AMBRA1: variants seen among roughly 807,000 people sequenced by gnomAD.
AMBRA1 encodes autophagy and beclin 1 regulator 1.
A neutral mutation model predicts 125.4 loss-of-function variants in AMBRA1; 47 were observed. That is an observed-to-expected ratio of 0.37 (90% confidence interval 0.30 to 0.48). The LOEUF is 0.48. AMBRA1 is among the 20% of genes least tolerant of loss of function. AMBRA1 has a pLI of 0.99. For synonymous variants in AMBRA1, 626 were observed against 655.5 expected (o/e 0.95, Z 0.69); for missense variants, 1,331 against 1,693.4 (o/e 0.79, Z 3.76).
chr11:46,558,665 G>T (rs1450627721), intron 1 of AMBRA1, among the ~76,000 whole-genome samples: 2 of 147,636 alleles, frequency 1.4e-5, no homozygotes, highest in Non-Finnish European at 3.0e-5. Flanking sequence ...ACTCTAACAA[G>T]AAGTTTTTCT....
chr11:46,421,433 T>A (rs6485680), intron 14 of AMBRA1, among the ~76,000 whole-genome samples: 10,819 of 152,238 alleles, frequency 0.071, 1,276 homozygotes, highest in African/African-American at 0.25. Flanking sequence ...TGGATCCTGA[T>A]AAGCACTTGC....
At chr11:46,521,267 AG>A (rs1951749483) in intron 7 of AMBRA1, among the ~76,000 whole-genome samples, 1 of 152,268 alleles carries the variant, frequency 6.6e-6, no homozygotes, top group Non-Finnish European at 1.5e-5. Context: ...CTCAGGTTAA[AG>A]TGCTGACATA....
At chr11:46,463,840 G>C (rs1220149542) in intron 11 of AMBRA1, among the ~76,000 whole-genome samples, 2 of 152,192 alleles carry the variant, frequency 1.3e-5, no homozygotes, top group Non-Finnish European at 2.9e-5. Context: ...CTGCAAGTTG[G>C]TAAAACGTAA....
rs1253211162 is a variant in AMBRA1 at position 46,433,474 on chromosome 11, C to T, written c.2976G>A (p.Arg992=). ...TGAAGGCACAAGCAATGGCACTCAC[C>T]CTCATGGAGGTCTCTCCACCATGGG... ...QQAHGGETSM[R]RVFNVLYPMP... is the part of the protein sequence containing the mutation. The change falls in exon 14 of 18, where the codon AGG becomes AGA. Residue 992 remains arginine, a splice_region_variant and synonymous_variant. Coordinates refer to ENST00000683756, the MANE Select transcript of AMBRA1 (RefSeq NM_001387011.1). 1 of 1,613,884 alleles carries T rather than the reference C, an allele frequency of 6.2e-7. No individual in the cohort carries two copies. The highest frequency in any genetic ancestry group is 2.2e-5 in the East Asian group (1 of 44,884).
intron 9 of AMBRA1, among the ~76,000 whole-genome samples, chr11:46,502,806 A>G (rs1189511018): frequency 1.3e-5 from 2 of 152,170 alleles, no homozygotes; most frequent in Admixed American, 1.3e-4. Flanking sequence ...CACGCCTGTA[A>G]TCCCAGCACT....
At chr11:46,435,378 G>C (rs1947671350) in intron 12 of AMBRA1, among the ~76,000 whole-genome samples, 1 of 152,110 alleles carries the variant, frequency 6.6e-6, no homozygotes, top group African/African-American at 2.4e-5. Flanking sequence ...AGCTGTTATT[G>C]TCCCAGAGAT....
chr11:46,432,380 G>C (rs1947497543), intron 14 of AMBRA1, among the ~76,000 whole-genome samples: 1 of 152,152 alleles, frequency 6.6e-6, no homozygotes, highest in African/African-American at 2.4e-5. Context: ...AAGGCACTTT[G>C]ACAAATTCAA....
intron 11 of AMBRA1, among the ~76,000 whole-genome samples, chr11:46,478,824 T>C (rs1189362827): frequency 2.0e-5 from 3 of 152,002 alleles, no homozygotes; most frequent in African/African-American, 7.2e-5. Context: ...CCGAAGATAT[T>C]TCTTGAAAGT....
rs549850309 is a variant in AMBRA1, at chr11:46,525,873, T to C, written c.2073-13060A>G. 3.3e-5 allele frequency among the ~76,000 whole-genome samples: 5 copies of C among 151,240 alleles called. No homozygotes were observed. In the East Asian group the frequency reaches 9.8e-4, roughly 30 times the overall value. On this transcript the variant is annotated intron_variant, in intron 7 of 17. Coordinates refer to ENST00000683756, the MANE Select transcript of AMBRA1 (RefSeq NM_001387011.1). Reference sequence around the variant, plus strand: ...GTTGCAGTGAGCAGAGATCACGCCATTGCACTCCAGCCTGGGTGACAGAGC... The same window carrying C: ...GTTGCAGTGAGCAGAGATCACGCCACTGCACTCCAGCCTGGGTGACAGAGC...
chr11:46,474,295 T>C (rs1949723214), intron 11 of AMBRA1, among the ~76,000 whole-genome samples: 1 of 152,170 alleles, frequency 6.6e-6, no homozygotes, highest in Admixed American at 6.5e-5. Context: ...TTCAAATGAA[T>C]AAGGGAATAA....
chr11:46,434,865 GAGC>G lies in AMBRA1; in HGVS notation c.2802_2804del (p.Met934_Leu935delinsIle). ...ATCCCTTACCAAATCGCTTGGTGTA[GAGC>G]ATTTCGCCCAGGTTATGGGGGGCCA... On this transcript the variant is annotated inframe_deletion, in exon 13 of 18. Coordinates refer to ENST00000683756, the MANE Select transcript of AMBRA1 (RefSeq NM_001387011.1). 1 of 1,610,398 alleles carries G rather than the reference GAGC, an allele frequency of 6.2e-7. No homozygotes were observed. Among genetic ancestry groups the G allele is most frequent in the Non-Finnish European group, 8.5e-7 (1 of 1,178,516 alleles).
intron 12 of AMBRA1, among the ~76,000 whole-genome samples, chr11:46,441,969 A>AT (rs1948032861): frequency 7.1e-6 from 1 of 141,588 alleles, no homozygotes; most frequent in African/African-American, 2.8e-5. Context: ...AAAAAAAAAA[A>AT]CTTTTTTTTT....
chr11:46,551,419 C>T (rs1413786826), intron 1 of AMBRA1, among the ~76,000 whole-genome samples: 1 of 152,052 alleles, frequency 6.6e-6, no homozygotes, highest in Admixed American at 6.6e-5. Context: ...CTCAAGCAAT[C>T]CTCCTGCCTC....
chr11:46,519,402 G>A (rs1215092579), intron 7 of AMBRA1, among the ~76,000 whole-genome samples: 9 of 152,190 alleles, frequency 5.9e-5, no homozygotes, highest in Admixed American at 1.3e-4. Context: ...TAAACAAACC[G>A]TGGACAACTC....
intron 11 of AMBRA1, among the ~76,000 whole-genome samples, chr11:46,486,908 C>CATAAATAA (rs56834227): frequency 0.01 from 1,447 of 139,306 alleles, 25 homozygotes; most frequent in East Asian, 0.03. Flanking sequence ...TCCATCTCAA[C>CATAAATAA]ATAAATAAAT....
At chr11:46,409,135 A>C (rs542625380) in intron 16 of AMBRA1, among the ~76,000 whole-genome samples, 1 of 152,206 alleles carries the variant, frequency 6.6e-6, no homozygotes, top group African/African-American at 2.4e-5. Flanking sequence ...CTGTATGCTC[A>C]TAAGATTCCA....
intron 11 of AMBRA1, among the ~76,000 whole-genome samples, chr11:46,444,817 C>T (rs954033592): frequency 6.6e-6 from 1 of 152,160 alleles, no homozygotes; most frequent in African/African-American, 2.4e-5. Context: ...AGAAAACCTT[C>T]ATAGAAGCCA....
intron 15 of AMBRA1, among the ~76,000 whole-genome samples, chr11:46,416,852 C>T (rs1265219928): frequency 3.3e-5 from 5 of 152,160 alleles, no homozygotes; most frequent in Admixed American, 2.6e-4. Flanking sequence ...CAGAGCTTCA[C>T]ACTCTCCACC....
chr11:46,571,037 C>T (rs1237599032), intron 1 of AMBRA1, among the ~76,000 whole-genome samples: 1 of 152,198 alleles, frequency 6.6e-6, no homozygotes, highest in Non-Finnish European at 1.5e-5. Context: ...CAAGGAAGTA[C>T]AAAGTGGCAT....
Sources: gnomAD v4.1 joint callset for allele counts (sites outside exome capture counted in the v4.1 genomes callset) on GRCh38, gnomAD v4.1.1 for gene constraint, MANE v1.5 for transcripts, NCBI Gene and HGNC (gene_info 2026-07-23, HGNC 2026-07-21) for gene names.